Variants in RAD51B observed in about 807,000 individuals in gnomAD.
RAD51B encodes the protein DNA repair protein RAD51 homolog 2.
In RAD51B, 38 loss-of-function variants were observed where a neutral mutation model predicts 42.2. The observed-to-expected ratio is 0.90, with a 90% CI of 0.70 to 1.18. The LOEUF (loss-of-function observed/expected upper bound fraction) is 1.18, where lower values mean the gene tolerates loss of function less well. Among genes scored for constraint, RAD51B ranks in the 50% most tolerant of loss-of-function variants. The pLI is 0.00. For synonymous variants in RAD51B, 154 were observed against 145.2 expected, an observed-to-expected ratio of 1.06 and a Z score of -0.43; for missense variants, 373 against 400.7, an observed-to-expected ratio of 0.93 and a Z score of 0.59.
At chr14:68,237,637 G>C (rs1462689723) in intron 7 of RAD51B, among the ~76,000 whole-genome samples, 1 of 151,708 alleles carries the variant, frequency 6.6e-6, no homozygotes. Context: ...TGTCTCTATG[G>C]ATTTGAGATT....
At chr14:68,172,682 A>C (rs1468471380) in intron 7 of RAD51B, among the ~76,000 whole-genome samples, 2 of 152,240 alleles carry the variant, frequency 1.3e-5, no homozygotes, top group Non-Finnish European at 2.9e-5. Flanking sequence ...TAAGAGAATT[A>C]AAATGATGTG....
intron 10 of RAD51B, chr14:68,561,910 T>C (rs1889171808): frequency 6.3e-6 from 6 of 957,218 alleles, no homozygotes; most frequent in Admixed American, 6.2e-5. Flanking sequence ...AGAGGGCGAG[T>C]GGGAGGATGA....
chr14:68,530,104 C>T (rs1887181013), intron 10 of RAD51B, among the ~76,000 whole-genome samples: 1 of 151,976 alleles, frequency 6.6e-6, no homozygotes, highest in Non-Finnish European at 1.5e-5. Flanking sequence ...TTTATACATA[C>T]ATATGAGATA....
chr14:68,416,810 A>G (rs1033750866), intron 9 of RAD51B, among the ~76,000 whole-genome samples: 1 of 152,302 alleles, frequency 6.6e-6, no homozygotes, highest in South Asian at 2.1e-4. Context: ...TAAGCAAGCC[A>G]GAACCCTAAA....
At chr14:68,346,267 G>A (rs1298025221) in intron 8 of RAD51B, among the ~76,000 whole-genome samples, 4 of 152,166 alleles carry the variant, frequency 2.6e-5, no homozygotes, top group African/African-American at 7.2e-5. Flanking sequence ...TGCCTGAAGC[G>A]CAACTTCATT....
intron 7 of RAD51B, among the ~76,000 whole-genome samples, chr14:68,082,751 T>C (rs2076930649): frequency 6.6e-6 from 1 of 152,194 alleles, no homozygotes; most frequent in South Asian, 2.1e-4. Context: ...TTTATGTTGT[T>C]GCCAGTCTTT....
chr14:68,562,901 G>C (rs751763901), intron 10 of RAD51B: 90 of 985,286 alleles, frequency 9.1e-5, no homozygotes, highest in Non-Finnish European at 1.0e-4. Context: ...CTTCTGGATG[G>C]AGCCCATTGC....
chr14:68,667,557 G>A (rs1353749257), intron 11 of RAD51B, among the ~76,000 whole-genome samples: 1 of 152,186 alleles, frequency 6.6e-6, no homozygotes, highest in Non-Finnish European at 1.5e-5. Flanking sequence ...ATTACATCCA[G>A]CTGGAGCCAA....
intron 10 of RAD51B, among the ~76,000 whole-genome samples, chr14:68,609,203 A>G (rs113379514): frequency 0.013 from 2,038 of 152,228 alleles, 35 homozygotes; most frequent in African/African-American, 0.041. Context: ...AGGGCCCCTC[A>G]TGGCCATCCA....
rs781602536 is a variant in RAD51B, at chr14:68,306,620, T to C, written c.853+14640T>C. The C allele has an allele frequency of 9.7e-6, 5 of 515,798 alleles. No individual in the cohort carries two copies. The East Asian group carries it at 2.7e-4, about 28-fold the overall frequency. 32.0% of individuals were successfully genotyped at this position (515,798 alleles called of 1,614,324 possible). The stretch of plus-strand genomic sequence containing the variant: ...AACCACAGTGAGCATGGAAGAAATA[T>C]AACCTTGATCCTCTGGCCTAATAAA... On this transcript the variant is annotated intron_variant, in intron 8 of 10. Coordinates refer to ENST00000471583, the MANE Select transcript of RAD51B (RefSeq NM_133510.4).
intron 7 of RAD51B, among the ~76,000 whole-genome samples, chr14:67,923,955 A>G (rs2044417453): frequency 6.6e-6 from 1 of 151,974 alleles, no homozygotes; most frequent in Non-Finnish European, 1.5e-5. Context: ...TGTGGTTTGG[A>G]TTTGCATTTC....
chr14:68,448,698 G>A (rs557090961), intron 9 of RAD51B, among the ~76,000 whole-genome samples: 2 of 152,172 alleles, frequency 1.3e-5, no homozygotes, highest in Admixed American at 6.5e-5. Context: ...TGCTTTCAGT[G>A]GCACCCAGCT....
intron 10 of RAD51B, chr14:68,562,419 G>A: frequency 1.0e-6 from 1 of 982,966 alleles, no homozygotes; most frequent in Non-Finnish European, 1.2e-6. Flanking sequence ...GGCCCATACA[G>A]CCCCCAGTCA....
chr14:68,624,153 G>T (rs1427026180), intron 10 of RAD51B, among the ~76,000 whole-genome samples: 1 of 152,226 alleles, frequency 6.6e-6, no homozygotes, highest in Non-Finnish European at 1.5e-5. Context: ...CGTCTGAATG[G>T]TGGCATAATA....
intron 7 of RAD51B, among the ~76,000 whole-genome samples, chr14:68,055,124 CA>C (rs1333623343): frequency 6.6e-6 from 1 of 152,072 alleles, no homozygotes; most frequent in East Asian, 1.9e-4. Flanking sequence ...TCCTGACAAG[CA>C]AAAATAACTT....
intron 11 of RAD51B, among the ~76,000 whole-genome samples, chr14:68,672,422 A>G (rs1893177996): frequency 6.6e-6 from 1 of 152,244 alleles, no homozygotes; most frequent in African/African-American, 2.4e-5. Flanking sequence ...TTCTGCCGTC[A>G]GAGAACTCCA....
intron 7 of RAD51B, among the ~76,000 whole-genome samples, chr14:67,920,663 G>C (rs2044293638): frequency 6.6e-6 from 1 of 152,178 alleles, no homozygotes; most frequent in Non-Finnish European, 1.5e-5. Context: ...CCAGGGGTCT[G>C]AGAACATTAG....
At chr14:68,472,533 T>C (rs2140243249) in intron 10 of RAD51B, among the ~76,000 whole-genome samples, 1 of 152,300 alleles carries the variant, frequency 6.6e-6, no homozygotes, top group East Asian at 1.9e-4. Context: ...TCCTCAGGGA[T>C]CTGGGGAGGA....
At chr14:68,318,729 T>C (rs1446373767) in intron 8 of RAD51B, among the ~76,000 whole-genome samples, 2 of 152,226 alleles carry the variant, frequency 1.3e-5, no homozygotes, top group Non-Finnish European at 2.9e-5. Context: ...CTGTTGGGCC[T>C]TGCCCCTTAA....
Sources: gnomAD v4.1 joint callset for allele counts (sites outside exome capture counted in the v4.1 genomes callset) on GRCh38, gnomAD v4.1.1 for gene constraint, MANE v1.5 for transcripts, NCBI Gene and HGNC (gene_info 2026-07-23, HGNC 2026-07-21) for gene names.